Variants in ADAMTS6 observed in about 807,000 individuals in gnomAD.
The protein encoded by ADAMTS6 is A disintegrin and metalloproteinase with thrombospondin motifs 6.
Under a neutral mutation model 144.3 loss-of-function variants are expected in ADAMTS6, and 23 were observed. The ratio of observed to expected loss-of-function variants is 0.16; its 90% confidence interval spans 0.11 to 0.23. ADAMTS6 has a LOEUF of 0.23. Ranked by LOEUF, ADAMTS6 falls within the 10% of genes least tolerant of loss-of-function variation. The probability of loss-of-function intolerance (pLI) is 1.00; values close to 1 mark genes in which losing one functional copy is unlikely to be tolerated. For synonymous variants in ADAMTS6, 444 were observed against 457.5 expected (o/e 0.97, Z 0.38); for missense variants, 999 against 1,379.6 (o/e 0.72, Z 4.37).
At chr5:65,152,067 C>G in intron 24 of ADAMTS6, 122 bp from the exon 25 acceptor site, 1 of 708,006 alleles carries the variant, frequency 1.4e-6, no homozygotes, top group Non-Finnish European at 2.3e-6. Context: ...TGGCTTCGAC[C>G]TCCATGTGGT....
chr5:65,234,524 C>A (rs1344436440), intron 15 of ADAMTS6, among the ~76,000 whole-genome samples: 3 of 151,164 alleles, frequency 2.0e-5, no homozygotes, highest in African/African-American at 7.3e-5. Flanking sequence ...CACTAATCAT[C>A]AGGGAAATGC....
chr5:65,409,231 A>G (rs1275611385), intron 7 of ADAMTS6, among the ~76,000 whole-genome samples: 3 of 152,210 alleles, frequency 2.0e-5, no homozygotes, highest in African/African-American at 7.2e-5. Context: ...TTAAAAGATC[A>G]ACAAAACTGA....
intron 12 of ADAMTS6, among the ~76,000 whole-genome samples, chr5:65,265,437 A>G (rs1443181181): frequency 2.6e-5 from 4 of 152,130 alleles, no homozygotes; most frequent in African/African-American, 9.6e-5. Context: ...CCTATACAAA[A>G]GTCACAACAT....
rs73761649 is a variant in ADAMTS6, at chr5:65,155,584, A to G, written c.3245-3639T>C. ...TATATGTAGTCTGTTGTTGACCAAA[A>G]CATCATTATACAGTCCATGACCGTA... On this transcript the variant is annotated intron_variant, in intron 24 of 24. Transcript: ENST00000381055. 9.3e-3 allele frequency among the ~76,000 whole-genome samples: 1,409 copies of G among 152,320 alleles called. 19 individuals carry two copies. Among genetic ancestry groups the G allele is most frequent in the African/African-American group, 0.032 (1,324 of 41,564 alleles).
intron 11 of ADAMTS6, among the ~76,000 whole-genome samples, chr5:65,286,714 G>C (rs371193720): frequency 1.3e-5 from 2 of 152,146 alleles, no homozygotes; most frequent in African/African-American, 4.8e-5. Context: ...TGATTTAAGT[G>C]ACAGAATAAA....
intron 20 of ADAMTS6, among the ~76,000 whole-genome samples, chr5:65,205,399 AT>A (rs1561278218): frequency 6.6e-6 from 1 of 152,214 alleles, no homozygotes; most frequent in Non-Finnish European, 1.5e-5. Flanking sequence ...ATCTCTGAAA[AT>A]GTAAAGCATT....
At chr5:65,440,713 A>C (rs1423264878) in intron 7 of ADAMTS6, among the ~76,000 whole-genome samples, 1 of 152,152 alleles carries the variant, frequency 6.6e-6, no homozygotes, top group African/African-American at 2.4e-5. Context: ...CACAACATTA[A>C]ATATAGGGCC....
At chr5:65,426,102 A>C (rs1350066055) in intron 7 of ADAMTS6, among the ~76,000 whole-genome samples, 4 of 145,824 alleles carry the variant, frequency 2.7e-5, no homozygotes, top group Non-Finnish European at 5.9e-5. Flanking sequence ...GCTAGAGTGC[A>C]ATGGTGCAAT....
At chr5:65,314,573 A>G (rs1001033256) in intron 9 of ADAMTS6, among the ~76,000 whole-genome samples, 4 of 152,348 alleles carry the variant, frequency 2.6e-5, no homozygotes, top group African/African-American at 9.6e-5. Context: ...ATAGGTAAAT[A>G]CCAAAAAATC....
intron 22 of ADAMTS6, among the ~76,000 whole-genome samples, chr5:65,180,007 C>CT (rs1304515820): frequency 4.6e-5 from 7 of 151,952 alleles, no homozygotes; most frequent in African/African-American, 1.7e-4. Flanking sequence ...GCTGAGGACT[C>CT]TGAGTAAACA....
chr5:65,273,275 T>A, intron 12 of ADAMTS6, 65 bp downstream of exon 12: 1 of 1,362,988 alleles, frequency 7.3e-7, no homozygotes, highest in Non-Finnish European at 1.0e-6. Context: ...GGTGGTTGAA[T>A]ATCAGTACCA....
intron 7 of ADAMTS6, among the ~76,000 whole-genome samples, chr5:65,436,702 A>C (rs10037517): frequency 1.3e-5 from 2 of 151,056 alleles, no homozygotes; most frequent in East Asian, 2.0e-4. Context: ...CAAAAAACAA[A>C]AAACAACTAG....
At chr5:65,399,711 A>G (rs1039252187) in intron 7 of ADAMTS6, among the ~76,000 whole-genome samples, 1 of 115,958 alleles carries the variant, frequency 8.6e-6, no homozygotes, top group Non-Finnish European at 1.9e-5. Flanking sequence ...ATGAGCATAT[A>G]TAGATACAGA....
rs527291888 is a variant in ADAMTS6 at position 65,247,178 on chromosome 5, G to T, written c.1831-4972C>A. On this transcript the variant is annotated intron_variant, in intron 14 of 24. Coordinates refer to ENST00000381055, the MANE Select transcript of ADAMTS6 (RefSeq NM_197941.4). ...ATAAATCTGGAGAGCAAAGCTGCAG[G>T]TCTCAGCATCTTTAGATCTTAGTAT... 2.6e-5 allele frequency among the ~76,000 whole-genome samples: 4 copies of T among 152,182 alleles called. No homozygotes were observed. In the South Asian group the frequency reaches 8.3e-4, roughly 32 times the overall value.
chr5:65,303,398 G>A (rs1050862551), intron 9 of ADAMTS6, among the ~76,000 whole-genome samples: 3 of 151,810 alleles, frequency 2.0e-5, no homozygotes, highest in African/African-American at 7.3e-5. Context: ...TGCAATAATT[G>A]AAAAAATACA....
chr5:65,480,082 A>G (rs1443812866), intron 1 of ADAMTS6, among the ~76,000 whole-genome samples: 2 of 152,120 alleles, frequency 1.3e-5, no homozygotes, highest in African/African-American at 2.4e-5. Context: ...AACTACACCA[A>G]TTTTGTGTTA....
intron 3 of ADAMTS6, among the ~76,000 whole-genome samples, chr5:65,468,260 G>C (rs1760174949): frequency 6.6e-6 from 1 of 151,988 alleles, no homozygotes; most frequent in African/African-American, 2.4e-5. Context: ...TATATAGAAT[G>C]ATTAAAAACA....
chr5:65,334,230 C>A, intron 7 of ADAMTS6, 145 bp from the exon 8 acceptor site: 2 of 857,974 alleles, frequency 2.3e-6, no homozygotes, highest in Admixed American at 3.6e-5. Context: ...ATTTTCAGCA[C>A]TCTACAGTGC....
chr5:65,460,800 C>A (rs576115360), intron 3 of ADAMTS6, among the ~76,000 whole-genome samples: 3 of 152,170 alleles, frequency 2.0e-5, no homozygotes, highest in Non-Finnish European at 4.4e-5. Context: ...TCTTTCCCCA[C>A]TGAACGAAGA....
Sources: gnomAD v4.1 joint callset for allele counts (sites outside exome capture counted in the v4.1 genomes callset) on GRCh38, gnomAD v4.1.1 for gene constraint, MANE v1.5 for transcripts, NCBI Gene and HGNC (gene_info 2026-07-23, HGNC 2026-07-21) for gene names.